The following LRBA variants were observed in gnomAD, a reference collection of about 807,000 sequenced individuals.
The protein encoded by LRBA is lipopolysaccharide-responsive and beige-like anchor protein.
A neutral mutation model predicts 330.0 loss-of-function variants in LRBA; 176 were observed. The observed-to-expected ratio is 0.53, with a 90% CI of 0.47 to 0.60. The LOEUF is 0.60. Ranked by LOEUF, LRBA falls within the 20% of genes least tolerant of loss-of-function variation. LRBA has a pLI of 0.00. For missense variants in LRBA, 3,259 were observed against 3,444.8 expected (o/e 0.95, Z 1.35); for synonymous variants, 1,230 against 1,193.0 (o/e 1.03, Z -0.64).
At chr4:150,932,704 G>A (rs1734645652) in intron 2 of LRBA, among the ~76,000 whole-genome samples, 3 of 151,912 alleles carry the variant, frequency 2.0e-5, no homozygotes, top group African/African-American at 2.4e-5. Flanking sequence ...TCCCTTGAGC[G>A]CAGGAGTTTA....
At chr4:150,836,560 T>C (rs191111830) in intron 28 of LRBA, among the ~76,000 whole-genome samples, 8 of 152,338 alleles carry the variant, frequency 5.3e-5, no homozygotes, top group Admixed American at 5.2e-4. Flanking sequence ...CCATTTCTTC[T>C]AGATTTTCTA....
chr4:150,597,698 A>G (rs1462868146), intron 38 of LRBA, among the ~76,000 whole-genome samples: 1 of 151,914 alleles, frequency 6.6e-6, no homozygotes, highest in Non-Finnish European at 1.5e-5. Context: ...AACCAAAACA[A>G]ACCAGAAAAT....
chr4:150,888,975 A>G (rs1729208245), intron 17 of LRBA, among the ~76,000 whole-genome samples: 1 of 152,170 alleles, frequency 6.6e-6, no homozygotes, highest in Non-Finnish European at 1.5e-5. Flanking sequence ...TTATTCATGC[A>G]ATTATGGAGG....
intron 35 of LRBA, among the ~76,000 whole-genome samples, chr4:150,743,212 C>T (rs750381844): frequency 1.1e-4 from 16 of 152,134 alleles, no homozygotes; most frequent in Admixed American, 2.0e-4. Context: ...TAAAGTGATC[C>T]ACTTGCTTTG....
chr4:150,559,678 A>G (rs867391265), intron 40 of LRBA, among the ~76,000 whole-genome samples: 1 of 84,060 alleles, frequency 1.2e-5, no homozygotes, highest in Non-Finnish European at 2.1e-5. Context: ...TATATTATAT[A>G]ATATATTATA....
chr4:150,601,025 C>T (rs1026614045), intron 37 of LRBA, among the ~76,000 whole-genome samples: 1 of 152,184 alleles, frequency 6.6e-6, no homozygotes, highest in Admixed American at 6.5e-5. Flanking sequence ...GTGCGGCAAT[C>T]GGCACAAGTA....
intron 48 of LRBA, among the ~76,000 whole-genome samples, chr4:150,340,936 CTA>C (rs1431750877): frequency 6.6e-6 from 1 of 151,914 alleles, no homozygotes; most frequent in Non-Finnish European, 1.5e-5. Flanking sequence ...AGATTTTATT[CTA>C]TGTTTGATGT....
chr4:150,293,324 A>T (rs1411340860), intron 53 of LRBA, among the ~76,000 whole-genome samples: 1 of 152,172 alleles, frequency 6.6e-6, no homozygotes, highest in Non-Finnish European at 1.5e-5. Context: ...TGTTTCTTAA[A>T]CCTTTTCCAT....
At chr4:150,348,843 A>G (rs990865487) in intron 48 of LRBA, among the ~76,000 whole-genome samples, 2 of 152,194 alleles carry the variant, frequency 1.3e-5, no homozygotes, top group African/African-American at 4.8e-5. Context: ...CACTACCTGT[A>G]TGTTGCTCTC....
chr4:150,353,278 G>A (rs142600543), intron 47 of LRBA, among the ~76,000 whole-genome samples: 2 of 151,934 alleles, frequency 1.3e-5, no homozygotes, highest in African/African-American at 4.8e-5. Flanking sequence ...AATAAAAAAC[G>A]TGTAGTTCAT....
intron 5 of LRBA, among the ~76,000 whole-genome samples, chr4:150,919,925 G>T (rs1297283737): frequency 6.7e-6 from 1 of 149,062 alleles, no homozygotes; most frequent in Non-Finnish European, 1.5e-5. Flanking sequence ...CATGAAAAAG[G>T]TTAATCTCAT....
chr4:150,673,232 ATTTT>A (rs1782231152), intron 37 of LRBA, among the ~76,000 whole-genome samples: 1 of 152,200 alleles, frequency 6.6e-6, no homozygotes, highest in Admixed American at 6.5e-5. Flanking sequence ...TCTAAGTATT[ATTTT>A]TTAAGACAGA....
intron 17 of LRBA, among the ~76,000 whole-genome samples, chr4:150,879,204 G>A (rs893547229): frequency 6.6e-6 from 1 of 152,112 alleles, no homozygotes; most frequent in African/African-American, 2.4e-5. Context: ...TGGAATGCGA[G>A]GTTGGTTCAA....
chr4:150,857,259 T>C (rs963320477), intron 22 of LRBA, among the ~76,000 whole-genome samples: 3 of 152,124 alleles, frequency 2.0e-5, no homozygotes, highest in African/African-American at 7.2e-5. Flanking sequence ...TAATGAGATC[T>C]TTTATAAAGA....
At chr4:150,470,031 A>G (rs1040380202) in intron 43 of LRBA, among the ~76,000 whole-genome samples, 2 of 151,684 alleles carry the variant, frequency 1.3e-5, no homozygotes, top group Admixed American at 6.5e-5. Context: ...AAAAATACAA[A>G]AATTAGCCGG....
At chr4:150,290,306 G>A (rs531583682) in intron 53 of LRBA, among the ~76,000 whole-genome samples, 14 of 151,958 alleles carry the variant, frequency 9.2e-5, no homozygotes, top group Admixed American at 2.6e-4. Context: ...TAAACCAAAC[G>A]AAGAACAAGA....
At chr4:150,318,147 C>T (rs184704505) in intron 50 of LRBA, among the ~76,000 whole-genome samples, 2 of 152,258 alleles carry the variant, frequency 1.3e-5, no homozygotes, top group Admixed American at 1.3e-4. Context: ...ATGACCACCT[C>T]TCCCCTCTTT....
At chr4:150,608,394 T>G (rs975875291) in intron 37 of LRBA, among the ~76,000 whole-genome samples, 1 of 152,002 alleles carries the variant, frequency 6.6e-6, no homozygotes, top group Non-Finnish European at 1.5e-5. Context: ...AAAGGATCAG[T>G]AAAAGAAACA....
intron 2 of LRBA, among the ~76,000 whole-genome samples, chr4:151,011,141 C>T (rs1176967565): frequency 2.6e-5 from 4 of 150,982 alleles, no homozygotes; most frequent in East Asian, 2.0e-4. Flanking sequence ...GAGCTGAGAT[C>T]GCACCATTGC....
Sources: allele counts gnomAD v4.1 joint callset (sites outside exome capture counted in the v4.1 genomes callset), GRCh38; gene constraint gnomAD v4.1.1; transcripts MANE v1.5; gene names NCBI Gene and HGNC (gene_info 2026-07-23, HGNC 2026-07-21).